Variants in ZNF362 observed in about 807,000 individuals in gnomAD.
The protein encoded by ZNF362 is zinc finger protein 362, also known as rotund homolog.
A neutral mutation model predicts 42.9 loss-of-function variants in ZNF362; 11 were observed. That is an observed-to-expected ratio of 0.26 (90% CI 0.16 to 0.42). The LOEUF is 0.42. Ranked by LOEUF, ZNF362 falls within the 20% of genes least tolerant of loss-of-function variation. The probability of loss-of-function intolerance (pLI) is 1.00; values close to 1 mark genes in which losing one functional copy is unlikely to be tolerated. For synonymous variants in ZNF362, 255 were observed against 257.3 expected, an observed-to-expected ratio of 0.99 and a Z score of 0.09; for missense variants, 362 against 576.2, an observed-to-expected ratio of 0.63 and a Z score of 3.81.
the ZNF362 span, among the ~76,000 whole-genome samples, chr1:33,156,488 G>A: frequency 6.6e-6 from 1 of 152,152 alleles, no homozygotes; most frequent in Non-Finnish European, 1.5e-5. Context: ...CTTCCTCCAG[G>A]CTTCCAGGAC....
At chr1:33,240,842 C>T in the ZNF362 span, among the ~76,000 whole-genome samples, 2 of 152,162 alleles carry the variant, frequency 1.3e-5, no homozygotes, top group African/African-American at 4.8e-5. Context: ...TTCCCCCATG[C>T]GTGACACTTT....
the ZNF362 span, among the ~76,000 whole-genome samples, chr1:33,202,097 A>G: frequency 6.6e-6 from 1 of 152,250 alleles, no homozygotes; most frequent in Non-Finnish European, 1.5e-5. Context: ...TAGCCCTCAA[A>G]TATTACATAA....
chr1:33,276,743 G>A lies in ZNF362; in HGVS notation c.349+149G>A, dbSNP rs1409020595. 3 of 1,052,340 alleles carry A rather than the reference G, an allele frequency of 2.9e-6. No individual in the cohort carries two copies. In the African/African-American group the frequency reaches 5.1e-5, roughly 18 times the overall value. The allele number at this position is 1,052,340 out of a possible 1,614,324, so 65.2% of individuals were successfully genotyped here. A position where few individuals can be genotyped will look rare whatever the true frequency, so the allele number is the denominator to read the frequency against. ...TAGGGCATAAAGCTTGGAGTGGCGG[G>A]GTTGGCCACGACGAGCCACAGCACC... On this transcript the variant is annotated intron_variant, in intron 4 of 8. Coordinates refer to ENST00000539719, the MANE Select transcript of ZNF362 (RefSeq NM_152493.3).
chr1:33,252,526 T>G (rs540136150), upstream of ZNF362, among the ~76,000 whole-genome samples: 1 of 152,338 alleles, frequency 6.6e-6, no homozygotes, highest in South Asian at 2.1e-4. Flanking sequence ...ATGATGGGCA[T>G]GTGGCACAAG....
the ZNF362 span, chr1:33,142,931 G>A: frequency 7.9e-5 from 12 of 152,220 alleles, no homozygotes; most frequent in African/African-American, 2.4e-4. Flanking sequence ...GGCGTGTCTC[G>A]ATGGTTAGAT....
chr1:33,250,827 GA>G, the ZNF362 span, among the ~76,000 whole-genome samples: 1 of 140,030 alleles, frequency 7.1e-6, no homozygotes, highest in South Asian at 2.3e-4. Flanking sequence ...AAGAGAAGAA[GA>G]AAAGAAGAAG....
At chr1:33,187,326 AG>A in the ZNF362 span, among the ~76,000 whole-genome samples, 2 of 152,240 alleles carry the variant, frequency 1.3e-5, no homozygotes, top group Non-Finnish European at 2.9e-5. Context: ...GGACAATGGC[AG>A]GGCATTGACA....
intron 6 of ZNF362, among the ~76,000 whole-genome samples, chr1:33,285,211 C>T (rs986648016): frequency 9.9e-5 from 15 of 151,852 alleles, no homozygotes; most frequent in African/African-American, 1.2e-4. Flanking sequence ...GTCAGGAGTT[C>T]GAGACCAACC....
At chr1:33,236,872 A>G in the ZNF362 span, among the ~76,000 whole-genome samples, 1 of 151,990 alleles carries the variant, frequency 6.6e-6, no homozygotes, top group African/African-American at 2.4e-5. Flanking sequence ...GGAGCTCGAG[A>G]CCAGCCTGGT....
At chr1:33,181,753 G>A in the ZNF362 span, 1 of 338,804 alleles carries the variant, frequency 3.0e-6, no homozygotes, top group Non-Finnish European at 5.4e-6. The surrounding 1 kb of genome is among the most constrained non-coding windows in gnomAD (Gnocchi z 6.5). Context: ...GGGCGGGGCA[G>A]TCCTAAGGGA....
In ZNF362 at chr1:33,280,590, C is replaced by T. The variant is rs1029112330; in HGVS notation, c.683+133C>T. On this transcript the variant is annotated intron_variant, in intron 5 of 8. Transcript: ENST00000539719. This position sits in a 1 kb window ranked among gnomAD's most constrained non-coding sequence, Gnocchi z 5.6. Reference sequence around the variant, plus strand: ...GGGGCAGGGCTAGGGTCCAGAGGGGCGGGGCCTTCTGGAGAGCCCCACCCA... The same window carrying T: ...GGGGCAGGGCTAGGGTCCAGAGGGGTGGGGCCTTCTGGAGAGCCCCACCCA... The T allele has an allele frequency of 2.1e-6, 3 of 1,423,284 alleles. No individual in the cohort carries two copies. The highest frequency in any genetic ancestry group is 2.9e-5 in the Admixed American group (1 of 34,696). 88.2% of individuals were successfully genotyped at this position (1,423,284 alleles called of 1,614,324 possible).
the ZNF362 span, among the ~76,000 whole-genome samples, chr1:33,209,531 C>T: frequency 3.9e-5 from 6 of 152,116 alleles, no homozygotes; most frequent in East Asian, 1.9e-4. Flanking sequence ...TGGTAGAATT[C>T]GGCTGTGACT....
chr1:33,153,593 T>C, the ZNF362 span, among the ~76,000 whole-genome samples: 2 of 152,210 alleles, frequency 1.3e-5, no homozygotes, highest in African/African-American at 2.4e-5. Context: ...TCAATGGGGC[T>C]GTGGTTGAGA....
At chr1:33,180,316 C>T in the ZNF362 span, among the ~76,000 whole-genome samples, 9 of 152,152 alleles carry the variant, frequency 5.9e-5, no homozygotes, top group South Asian at 1.9e-3. Flanking sequence ...AAGTCCTGGC[C>T]CCACTCAACC....
chr1:33,291,133 C>G (rs1306085773), intron 6 of ZNF362, among the ~76,000 whole-genome samples: 1 of 152,154 alleles, frequency 6.6e-6, no homozygotes, highest in East Asian at 1.9e-4. Context: ...ACATGAAGTT[C>G]TTGCCCATGC....
At chr1:33,201,017 G>A in the ZNF362 span, among the ~76,000 whole-genome samples, 1 of 152,182 alleles carries the variant, frequency 6.6e-6, no homozygotes, top group Admixed American at 6.5e-5. Context: ...CATCAACCCT[G>A]CTGAAATCTT....
upstream of ZNF362, among the ~76,000 whole-genome samples, chr1:33,256,055 C>T (rs1319346997): frequency 6.6e-6 from 1 of 151,542 alleles, no homozygotes; most frequent in South Asian, 2.1e-4. Flanking sequence ...GTCCTAGGGC[C>T]GGGCGCCGGT....
the ZNF362 span, among the ~76,000 whole-genome samples, chr1:33,190,271 A>G: frequency 6.6e-6 from 1 of 152,168 alleles, no homozygotes; most frequent in Non-Finnish European, 1.5e-5. Context: ...TCTATTAGCA[A>G]TCCCACAGAT....
intron 6 of ZNF362, among the ~76,000 whole-genome samples, chr1:33,290,416 G>C: frequency 6.6e-6 from 1 of 151,860 alleles, no homozygotes; most frequent in East Asian, 1.9e-4. Context: ...TGGCTGCATA[G>C]TATTCCATGG....
Sources: allele counts gnomAD v4.1 joint callset (sites outside exome capture counted in the v4.1 genomes callset), GRCh38; gene constraint gnomAD v4.1.1; non-coding constraint Gnocchi (gnomAD v3.1); transcripts MANE v1.5; gene names NCBI Gene and HGNC (gene_info 2026-07-23, HGNC 2026-07-21).